Variants in CFHR4 observed in about 807,000 individuals in gnomAD.
The protein encoded by CFHR4 is complement factor H-related protein 4.
Under a neutral mutation model 69.3 loss-of-function variants are expected in CFHR4, and 64 were observed. The ratio of observed to expected loss-of-function variants is 0.92; its 90% confidence interval spans 0.76 to 1.14. The LOEUF is 1.14. Among genes scored for constraint, CFHR4 ranks in the 50% most tolerant of loss-of-function variants. The pLI is 0.00. For missense variants in CFHR4, 636 were observed against 684.9 expected, an observed-to-expected ratio of 0.93 and a Z score of 0.80; for synonymous variants, 244 against 237.0, an observed-to-expected ratio of 1.03 and a Z score of -0.27.
chr1:196,914,683 A>T lies in CFHR4; in HGVS notation c.1357+12A>T. 1 of 1,581,784 alleles carries T rather than the reference A, an allele frequency of 6.3e-7. No homozygotes were observed. Among genetic ancestry groups the T allele is most frequent in the Non-Finnish European group, 8.6e-7 (1 of 1,168,514 alleles). The stretch of plus-strand genomic sequence containing the variant: ...CCCAACATGTTATAGTAAGTATTTT[A>T]TTCAAGTATTTTTTATTAGAATTAA... On this transcript the variant is annotated intron_variant, in intron 8 of 9. Transcript: ENST00000608469.
At chr1:196,913,511 A>T (rs576222846) in intron 7 of CFHR4, among the ~76,000 whole-genome samples, 2 of 151,634 alleles carry the variant, frequency 1.3e-5, no homozygotes, top group South Asian at 4.2e-4. Flanking sequence ...CTACCTGCCA[A>T]TGGATTCTTT....
intron 1 of CFHR4, among the ~76,000 whole-genome samples, chr1:196,891,717 T>G (rs1055226427): frequency 6.6e-6 from 1 of 151,540 alleles, no homozygotes; most frequent in Non-Finnish European, 1.5e-5. Context: ...ATAAAGAAAC[T>G]TGTTTCAAAA....
chr1:196,899,036 GT>G (rs1433134680), intron 1 of CFHR4, among the ~76,000 whole-genome samples: 1 of 151,626 alleles, frequency 6.6e-6, no homozygotes, highest in Non-Finnish European at 1.5e-5. Context: ...GAGTCACTAA[GT>G]CCAGCACACA....
At chr1:196,905,479 G>A (rs976322209) in intron 3 of CFHR4, among the ~76,000 whole-genome samples, 189 bp downstream of exon 3, 1 of 151,534 alleles carries the variant, frequency 6.6e-6, no homozygotes, top group Non-Finnish European at 1.5e-5. Flanking sequence ...TACTTGGGAA[G>A]ATGATCATTC....
At chr1:196,906,425 T>C (rs1267223632) in intron 3 of CFHR4, among the ~76,000 whole-genome samples, 1 of 151,536 alleles carries the variant, frequency 6.6e-6, no homozygotes, top group African/African-American at 2.4e-5. Context: ...AAAATTTTTA[T>C]AGAACGTATA....
intron 9 of CFHR4, among the ~76,000 whole-genome samples, chr1:196,917,255 A>G (rs1327278331): frequency 1.3e-5 from 2 of 151,924 alleles, no homozygotes; most frequent in Admixed American, 6.6e-5. Context: ...TGAGTGAATG[A>G]TATCATCAAA....
chr1:196,891,875 A>G (rs541304550), intron 1 of CFHR4, among the ~76,000 whole-genome samples: 1 of 151,428 alleles, frequency 6.6e-6, no homozygotes, highest in East Asian at 1.9e-4. Flanking sequence ...TATATCAATA[A>G]TATGTCTCAC....
At chr1:196,902,174 C>T (rs891366429) in intron 1 of CFHR4, among the ~76,000 whole-genome samples, 2 of 151,408 alleles carry the variant, frequency 1.3e-5, no homozygotes, top group African/African-American at 4.9e-5. Context: ...CACTAATCAA[C>T]CAGGGCTACG....
rs1658175022 is a variant in CFHR4, at chr1:196,910,168, A to G, written c.800-113A>G. On this transcript the variant is annotated intron_variant, in intron 5 of 9. Transcript: ENST00000608469. ...TTTCATCTAAAAAAAAAAAAAAAGT[A>G]AAGAAAAAAAAAAACATTATTTGGA... is the stretch of plus-strand genomic sequence containing the variant. The G allele has an allele frequency of 1.1e-5, 8 of 698,448 alleles. No homozygotes were observed. In the South Asian group the frequency reaches 1.8e-4, roughly 16 times the overall value. The allele number at this position is 698,448 out of a possible 1,614,324, so 43.3% of individuals were successfully genotyped here.
chr1:196,902,369 C>G, intron 1 of CFHR4, 49 bp from the exon 2 acceptor site: 2 of 1,229,144 alleles, frequency 1.6e-6, no homozygotes, highest in Non-Finnish European at 2.3e-6. Flanking sequence ...ATATGATTAT[C>G]TGTTATAGAA....
chr1:196,918,409 C>A lies in CFHR4; in HGVS notation c.*3C>A. On this transcript the variant is annotated 3_prime_UTR_variant, in exon 10 of 10. Coordinates refer to ENST00000608469, the MANE Select transcript of CFHR4 (RefSeq NM_001201550.3). ...TGGAATACCCCAGATGCGAATAAGG[C>A]AGCATTGTTACCCTAAATGTATGTC... 6.2e-7 allele frequency: 1 copy of A among 1,609,616 alleles called. No homozygotes were observed. Among genetic ancestry groups the A allele is most frequent in the South Asian group, 1.1e-5 (1 of 90,988 alleles).
chr1:196,910,849 T>A (rs1455112167), intron 6 of CFHR4, among the ~76,000 whole-genome samples: 1 of 151,584 alleles, frequency 6.6e-6, no homozygotes, highest in East Asian at 1.9e-4. Flanking sequence ...ATTATTTTAA[T>A]ATACTATTTT....
rs2124983249 is a variant in CFHR4 at position 196,918,342 on chromosome 1, C to T, written c.1673C>T (p.Thr558Ile). 1 of 1,612,016 alleles carries T rather than the reference C, an allele frequency of 6.2e-7. No homozygotes were observed. The highest frequency in any genetic ancestry group is 8.5e-7 in the Non-Finnish European group (1 of 1,179,084). ...TGTAAATTGGGATATAATGCGAATA[C>T]ATCAGTTCTATCATTTCAAGCAGTG... ...FMCKLGYNAN[T>I]SVLSFQAVCR... The change falls in exon 10 of 10, where the codon ACA (threonine) becomes ATA (isoleucine). Residue 558 changes from threonine (T) to isoleucine (I), a missense_variant. By Grantham distance (89) the Thr-to-Ile change is moderately conservative. This residue lies in a region of CFHR4 where 85 missense variants were observed against 79.0 expected (regional missense o/e 1.08). Transcript: ENST00000608469.
At chr1:196,903,982 A>T (rs1657761903) in intron 2 of CFHR4, among the ~76,000 whole-genome samples, 1 of 151,496 alleles carries the variant, frequency 6.6e-6, no homozygotes, top group South Asian at 2.1e-4. Flanking sequence ...GTTTGTGTGT[A>T]TTGTTTGCAA....
intron 3 of CFHR4, 111 bp from the exon 4 acceptor site, chr1:196,906,750 A>G (rs1657926175): frequency 8.6e-7 from 1 of 1,158,860 alleles, no homozygotes; most frequent in East Asian, 2.7e-5. Flanking sequence ...ATAGTACTCA[A>G]TTTATTAGCA....
At chr1:196,901,628 T>C (rs1229848740) in intron 1 of CFHR4, among the ~76,000 whole-genome samples, 3 of 151,168 alleles carry the variant, frequency 2.0e-5, no homozygotes, top group Non-Finnish European at 4.4e-5. Flanking sequence ...CTCCGAATCA[T>C]CCCATGGAAA....
At chr1:196,893,663 GA>G (rs1253020436) in intron 1 of CFHR4, among the ~76,000 whole-genome samples, 2 of 151,522 alleles carry the variant, frequency 1.3e-5, no homozygotes, top group Non-Finnish European at 2.9e-5. Flanking sequence ...AAATATGTTA[GA>G]AAGAGGTTAA....
At chr1:196,904,994 A>G (rs750119829) in intron 2 of CFHR4, 114 bp from the exon 3 acceptor site, 23 of 1,048,242 alleles carry the variant, frequency 2.2e-5, no homozygotes, top group African/African-American at 3.3e-5. Context: ...GCTGTTTTCA[A>G]TTCATTAACA....
intron 6 of CFHR4, among the ~76,000 whole-genome samples, chr1:196,911,684 C>G (rs1035369229): frequency 8.6e-5 from 13 of 151,422 alleles, no homozygotes; most frequent in Admixed American, 2.6e-4. Flanking sequence ...CTTCTTACCC[C>G]TTTGTAAGAG....
Sources: allele counts gnomAD v4.1 joint callset (sites outside exome capture counted in the v4.1 genomes callset), GRCh38; gene constraint gnomAD v4.1.1; regional missense constraint gnomAD v4.1.1; transcripts MANE v1.5; gene names NCBI Gene and HGNC (gene_info 2026-07-23, HGNC 2026-07-21).